ARMC2: variants seen among roughly 807,000 people sequenced by gnomAD.
ARMC2 encodes armadillo repeat containing 2.
A neutral mutation model predicts 90.3 loss-of-function variants in ARMC2; 67 were observed. The ratio of observed to expected loss-of-function variants is 0.74; its 90% confidence interval spans 0.61 to 0.91. The LOEUF is 0.91. ARMC2 is among the 40% of genes least tolerant of loss of function. The pLI is 0.00. For missense variants in ARMC2, 920 were observed against 1,030.9 expected, an observed-to-expected ratio of 0.89 and a Z score of 1.47; for synonymous variants, 393 against 393.0, an observed-to-expected ratio of 1.00 and a Z score of 0.00.
rs546889965 is a variant in ARMC2, at chr6:108,953,022, G to A, written c.1597-11G>A. 4.8e-5 allele frequency: 76 copies of A among 1,595,702 alleles called. No individual in the cohort carries two copies. The highest frequency in any genetic ancestry group is 1.0e-4 in the South Asian group (9 of 88,702). ...CTTTGCACTTTTGACTCTGTCTTTC[G>A]TTTATTGCAGGATTTAGTCGTCCGT... On this transcript the variant is annotated splice_polypyrimidine_tract_variant and intron_variant, in intron 12 of 17. Transcript: ENST00000392644.
At chr6:108,853,021 CCT>C (rs1229426134) in intron 1 of ARMC2, among the ~76,000 whole-genome samples, 1 of 151,944 alleles carries the variant, frequency 6.6e-6, no homozygotes, top group Non-Finnish European at 1.5e-5. Flanking sequence ...ATGTACTAGG[CCT>C]CTCATCATTT....
chr6:108,911,101 T>C, intron 9 of ARMC2, 100 bp downstream of exon 9: 3 of 755,822 alleles, frequency 4.0e-6, no homozygotes, highest in Non-Finnish European at 4.2e-6. Flanking sequence ...AAGAATATTT[T>C]GTTTTCTAGA....
At chr6:109,019,031 C>T in the ARMC2 span, among the ~76,000 whole-genome samples, 1 of 151,988 alleles carries the variant, frequency 6.6e-6, no homozygotes, top group South Asian at 2.1e-4. Flanking sequence ...TAAAATAGCC[C>T]CACTGTTTTC....
the ARMC2 span, among the ~76,000 whole-genome samples, chr6:109,046,926 G>C: frequency 8.2e-6 from 1 of 121,792 alleles, no homozygotes; most frequent in South Asian, 3.4e-4. Context: ...TCTCCGCCCG[G>C]CAGCCACCCC....
chr6:108,973,644 A>G lies in ARMC2; in HGVS notation c.*130A>G. Reference sequence around the variant, plus strand: ...TTTTCAAGAACTGGTTTTAGTGAGTAGCTGAAGTATTTTTTAAAATTAAGC... The same window carrying G: ...TTTTCAAGAACTGGTTTTAGTGAGTGGCTGAAGTATTTTTTAAAATTAAGC... On this transcript the variant is annotated 3_prime_UTR_variant, in exon 18 of 18. Coordinates refer to ENST00000392644, the MANE Select transcript of ARMC2 (RefSeq NM_032131.6). The G allele has an allele frequency of 1.2e-6, 1 of 865,132 alleles. No individual in the cohort carries two copies. The highest frequency in any genetic ancestry group is 1.7e-6 in the Non-Finnish European group (1 of 583,656). The allele number at this position is 865,132 out of a possible 1,614,324, so 53.6% of individuals were successfully genotyped here.
At chr6:108,928,349 G>A (rs537073117) in intron 11 of ARMC2, 116 bp downstream of exon 11, 21 of 1,134,154 alleles carry the variant, frequency 1.9e-5, no homozygotes, top group African/African-American at 1.3e-4. Context: ...TTTTTACTTC[G>A]CCTACCAGAA....
intron 12 of ARMC2, among the ~76,000 whole-genome samples, chr6:108,951,673 A>G (rs764323770): frequency 2.0e-5 from 3 of 152,162 alleles, no homozygotes; most frequent in Non-Finnish European, 4.4e-5. Context: ...TCTGCCCCCA[A>G]TCCTCCCCAG....
At chr6:109,012,959 C>CA in the ARMC2 span, among the ~76,000 whole-genome samples, 14,012 of 151,682 alleles carry the variant, frequency 0.092, 864 homozygotes, top group Middle Eastern at 0.19. Context: ...ACTGAAAATA[C>CA]AAAAAAATTA....
chr6:108,867,466 T>C (rs191136920), intron 3 of ARMC2, among the ~76,000 whole-genome samples: 18 of 152,232 alleles, frequency 1.2e-4, no homozygotes, highest in African/African-American at 3.9e-4. Flanking sequence ...TTCTGAGATG[T>C]AAAAAATAAA....
At chr6:108,851,916 G>T (rs1290876532) in intron 1 of ARMC2, among the ~76,000 whole-genome samples, 1 of 152,186 alleles carries the variant, frequency 6.6e-6, no homozygotes, top group African/African-American at 2.4e-5. Context: ...CTTCTTGCTT[G>T]AGAGTGAAGA....
chr6:108,970,260 G>A (rs1778670980), intron 17 of ARMC2, among the ~76,000 whole-genome samples: 1 of 151,984 alleles, frequency 6.6e-6, no homozygotes, highest in African/African-American at 2.4e-5. Context: ...GTTTGAGGGT[G>A]GATTAACTAT....
At chr6:108,971,311 A>G (rs1778750513) in intron 17 of ARMC2, among the ~76,000 whole-genome samples, 1 of 152,154 alleles carries the variant, frequency 6.6e-6, no homozygotes, top group South Asian at 2.1e-4. Flanking sequence ...TATCACCTGC[A>G]TTCTCCTCCC....
chr6:108,849,406 T>G (rs765241423), intron 1 of ARMC2, among the ~76,000 whole-genome samples: 8 of 152,192 alleles, frequency 5.3e-5, no homozygotes, highest in Non-Finnish European at 1.2e-4. Flanking sequence ...CACCCACCTT[T>G]TAAAAGGAGA....
rs563762453 is a variant in ARMC2 at position 108,898,538 on chromosome 6, C to G, written c.749-1156C>G. Among the ~76,000 whole-genome samples the G allele has an allele frequency of 3.9e-5, 6 of 152,322 alleles. No homozygotes were observed. The South Asian group carries it at 8.3e-4, about 21-fold the overall frequency. On this transcript the variant is annotated intron_variant, in intron 6 of 17. Transcript: ENST00000392644. Reference sequence around the variant, plus strand: ...CAGTAATGCCTCAGCACAGCAAAGCCACCTCTAGCTACAGTCAGTGTTTTA... The same window carrying G: ...CAGTAATGCCTCAGCACAGCAAAGCGACCTCTAGCTACAGTCAGTGTTTTA...
Position 108,876,166 on chromosome 6 carries a change from G to T in ARMC2, c.487G>T (p.Glu163Ter). 6.2e-7 allele frequency: 1 copy of T among 1,609,612 alleles called. No homozygotes were observed. The highest frequency in any genetic ancestry group is 2.2e-5 in the East Asian group (1 of 44,770). ...SDSKKTVESK[E>*]TVMMGDSMVK... ...AGCAAAGAAGACAGTGGAATCCAAA[G>T]AAACAGTTATGATGGGGGACTCTAT... is the stretch of plus-strand genomic sequence containing the variant. The change falls in exon 5 of 18, where the codon GAA becomes TAA. Residue 163 changes from glutamate to a stop codon, truncating the protein, a stop_gained. Coordinates refer to ENST00000392644, the MANE Select transcript of ARMC2 (RefSeq NM_032131.6). LOFTEE classifies it high-confidence loss of function.
At position 108,904,276 on chromosome 6, in the gene ARMC2, T is replaced by G. The variant is rs760295248; in HGVS notation, c.894T>G (p.His298Gln). 1 of 1,613,932 alleles carries G rather than the reference T, an allele frequency of 6.2e-7. No individual in the cohort carries two copies. Among genetic ancestry groups the G allele is most frequent in the Admixed American group, 1.7e-5 (1 of 60,014 alleles). ...GTGCTGCTTGCACACAACTTCATCA[T>G]GCTTTAGAGGAAGGAAACATGCTTG... The part of the protein sequence containing the change: ...TVCAACTQLH[H>Q]ALEEGNMLGN... Residue 298 changes from histidine (H) to glutamine (Q), a missense_variant, in exon 8 of 18, where the codon CAT becomes CAG. Transcript: ENST00000392644.
chr6:108,888,523 A>G (rs986006338), intron 5 of ARMC2, among the ~76,000 whole-genome samples: 4 of 152,364 alleles, frequency 2.6e-5, no homozygotes, highest in South Asian at 2.1e-4. Context: ...GATTTGTTTC[A>G]TGCAGTTCCA....
the ARMC2 span, among the ~76,000 whole-genome samples, chr6:109,026,291 A>G: frequency 2.6e-5 from 4 of 152,320 alleles, no homozygotes; most frequent in East Asian, 7.7e-4. Context: ...AGGAAGAAGC[A>G]AAATGATCTC....
chr6:109,026,921 C>T, the ARMC2 span, among the ~76,000 whole-genome samples: 4 of 152,148 alleles, frequency 2.6e-5, no homozygotes, highest in South Asian at 2.1e-4. Context: ...CACCTGTAAT[C>T]CCAGCACTTC....
Sources: allele counts gnomAD v4.1 joint callset (sites outside exome capture counted in the v4.1 genomes callset), GRCh38; gene constraint gnomAD v4.1.1; transcripts MANE v1.5; gene names NCBI Gene and HGNC (gene_info 2026-07-23, HGNC 2026-07-21).